The following HIPK1 variants were observed in gnomAD, a reference collection of about 807,000 sequenced individuals.
HIPK1 encodes homeodomain-interacting protein kinase 1.
Under a neutral mutation model 117.1 loss-of-function variants are expected in HIPK1, and 28 were observed. That is an observed-to-expected ratio of 0.24 (90% confidence interval 0.18 to 0.33). The LOEUF is 0.33. HIPK1 is among the 10% of genes least tolerant of loss of function. The pLI is 1.00. For missense variants in HIPK1, 1,122 were observed against 1,475.1 expected (o/e 0.76, Z 3.92); for synonymous variants, 605 against 562.5 (o/e 1.08, Z -1.07).
intron 2 of HIPK1, among the ~76,000 whole-genome samples, chr1:113,950,509 C>T (rs1671279476): frequency 1.3e-5 from 2 of 152,020 alleles, no homozygotes; most frequent in Non-Finnish European, 2.9e-5. Flanking sequence ...GGGTACCATC[C>T]TTTTTCTTTT....
chr1:113,976,101 G>A lies in HIPK1; in HGVS notation c.*2589G>A, dbSNP rs1029216085. 1.3e-5 allele frequency: 2 copies of A among 152,802 alleles called. No individual in the cohort carries two copies. Among genetic ancestry groups the A allele is most frequent in the African/African-American group, 4.8e-5 (2 of 41,454 alleles). 9.5% of individuals were successfully genotyped at this position (152,802 alleles called of 1,614,324 possible). A position where few individuals can be genotyped will look rare whatever the true frequency, so the allele number is the denominator to read the frequency against. ...GGTTGAACACCGAGGAGCTGTCAAAGTATTTGGAGTTTCTTCATTGTAAGG... is the reference window on the plus strand; with the variant it reads ...GGTTGAACACCGAGGAGCTGTCAAAATATTTGGAGTTTCTTCATTGTAAGG... On this transcript the variant is annotated 3_prime_UTR_variant, in exon 16 of 16. Coordinates refer to ENST00000426820, the MANE Select transcript of HIPK1 (RefSeq NM_198268.3).
intron 2 of HIPK1, among the ~76,000 whole-genome samples, chr1:113,946,613 A>G (rs1436997835): frequency 3.9e-5 from 6 of 152,062 alleles, no homozygotes. Context: ...CAATTGATTC[A>G]TTTTGGTTTT....
intron 8 of HIPK1, among the ~76,000 whole-genome samples, chr1:113,961,516 TAAG>T (rs1051919062): frequency 8.5e-5 from 13 of 152,216 alleles, no homozygotes; most frequent in African/African-American, 1.2e-4. Context: ...GCATTCTAAA[TAAG>T]AAGGTAACTT....
At position 113,936,185 on chromosome 1, in the gene HIPK1, G is replaced by A. The variant is rs1670237646; in HGVS notation, c.-2-4197G>A. 7.2e-5 allele frequency among the ~76,000 whole-genome samples: 11 copies of A among 152,272 alleles called. No individual in the cohort carries two copies. In the South Asian group the frequency reaches 2.3e-3, roughly 32 times the overall value. On this transcript the variant is annotated intron_variant, in intron 1 of 15. Coordinates refer to ENST00000426820, the MANE Select transcript of HIPK1 (RefSeq NM_198268.3). ...CACACTGTAAGAACCCCGGTGGTCT[G>A]ATACTGACTTTTTGTACATCACACC... is the stretch of plus-strand genomic sequence containing the variant.
At chr1:113,961,942 C>CAAAAAAA (rs957986733) in intron 8 of HIPK1, among the ~76,000 whole-genome samples, 1 of 32,320 alleles carries the variant, frequency 3.1e-5, no homozygotes, top group African/African-American at 9.7e-5. Flanking sequence ...GACTCCATCT[C>CAAAAAAA]AAAAAAAAAA....
rs1365633518 is a variant in HIPK1 at position 113,959,476 on chromosome 1, G to A, written c.1981+1185G>A. On this transcript the variant is annotated intron_variant, in intron 8 of 15. Transcript: ENST00000426820. Reference sequence around the variant, plus strand: ...AATTCTGTAGTTGGGATTGTCGTATGTTGAGTGATTCTTCCACAGAGCTTA... The same window carrying A: ...AATTCTGTAGTTGGGATTGTCGTATATTGAGTGATTCTTCCACAGAGCTTA... Among the ~76,000 whole-genome samples, 11 of 152,210 alleles carry A rather than the reference G, an allele frequency of 7.2e-5. No homozygotes were observed. The East Asian group carries it at 2.1e-3, about 29-fold the overall frequency.
chr1:113,941,442 A>G lies in HIPK1; in HGVS notation c.1059A>G (p.Leu353=), dbSNP rs764637333. 4 of 1,613,112 alleles carry G rather than the reference A, an allele frequency of 2.5e-6. No individual in the cohort carries two copies. The African/African-American group carries it at 5.3e-5, about 22-fold the overall frequency. The change falls in exon 2 of 16, where the codon TTA becomes TTG. Residue 353 remains leucine (L), a synonymous_variant. Transcript: ENST00000426820. The surrounding 1 kb of genome is among the most constrained non-coding windows in gnomAD (Gnocchi z 4.9). ...HVSKAVCSTY[L]QSRYYRAPEI... Reference sequence around the variant, plus strand: ...CCAAAGCTGTGTGCTCAACCTACTTACAGTCACGTTACTACAGGCAAGTGG... The same window carrying G: ...CCAAAGCTGTGTGCTCAACCTACTTGCAGTCACGTTACTACAGGCAAGTGG...
chr1:113,930,847 C>T (rs922867500), intron 1 of HIPK1: 2 of 152,204 alleles, frequency 1.3e-5, no homozygotes, highest in Non-Finnish European at 2.9e-5. Context: ...GGGGGGAAAA[C>T]CCCCAAGCTC....
intron 1 of HIPK1, 66 bp downstream of exon 1, chr1:113,929,598 G>A: frequency 8.5e-7 from 1 of 1,174,682 alleles, no homozygotes; most frequent in Non-Finnish European, 1.1e-6. Context: ...GTTGAGGGAC[G>A]GCCGCTCGGC....
intron 1 of HIPK1, among the ~76,000 whole-genome samples, chr1:113,931,639 G>T (rs1011893051): frequency 2.0e-5 from 3 of 150,132 alleles, no homozygotes; most frequent in Non-Finnish European, 4.4e-5. Flanking sequence ...CCTTCTAAAA[G>T]AAAAAAAAAG....
At chr1:113,950,438 G>A (rs1161857689) in intron 2 of HIPK1, among the ~76,000 whole-genome samples, 1 of 152,138 alleles carries the variant, frequency 6.6e-6, no homozygotes, top group Non-Finnish European at 1.5e-5. Context: ...AGAAAGAAAG[G>A]AAATTATTTG....
chr1:113,933,632 G>A lies in HIPK1; in HGVS notation c.-3+4100G>A, dbSNP rs143433628. Among the ~76,000 whole-genome samples the A allele has an allele frequency of 1.8e-3, 270 of 152,228 alleles. 1 individual carries two copies. Among genetic ancestry groups the A allele is most frequent in the African/African-American group, 6.3e-3 (263 of 41,508 alleles). On this transcript the variant is annotated intron_variant, in intron 1 of 15. Coordinates refer to ENST00000426820, the MANE Select transcript of HIPK1 (RefSeq NM_198268.3). ...CACCTGTAATCCCAGCACTTTTGGA[G>A]GCTGAGGTAGGTGGATCACTTTAGG...
At chr1:113,967,202 CTT>C (rs746810299) in intron 11 of HIPK1, among the ~76,000 whole-genome samples, 81 of 152,210 alleles carry the variant, frequency 5.3e-4, no homozygotes, top group Non-Finnish European at 1.1e-3. Context: ...GCAGGTATCT[CTT>C]TGATATACTG....
rs1672430118 is a variant in HIPK1 at position 113,966,112 on chromosome 1, A to C, written c.2239-18A>C. 3.1e-6 allele frequency: 5 copies of C among 1,604,394 alleles called. No homozygotes were observed. The South Asian group carries it at 5.6e-5, about 18-fold the overall frequency. ...AATGAATCAAGTCTGGATGTTTTTTATGTGTGTTTCCTTACAGCAGGCGTG... is the reference window on the plus strand; with the variant it reads ...AATGAATCAAGTCTGGATGTTTTTTCTGTGTGTTTCCTTACAGCAGGCGTG... On this transcript the variant is annotated intron_variant, in intron 10 of 15. Coordinates refer to ENST00000426820, the MANE Select transcript of HIPK1 (RefSeq NM_198268.3).
rs982363746 is a variant in HIPK1, at chr1:113,977,024, T to C, written c.*3512T>C. 6.5e-6 allele frequency: 1 copy of C among 152,844 alleles called. No individual in the cohort carries two copies. Among genetic ancestry groups the C allele is most frequent in the Non-Finnish European group, 1.5e-5 (1 of 68,068 alleles). The allele number at this position is 152,844 out of a possible 1,614,324, so 9.5% of individuals were successfully genotyped here. On this transcript the variant is annotated 3_prime_UTR_variant, in exon 16 of 16. Coordinates refer to ENST00000426820, the MANE Select transcript of HIPK1 (RefSeq NM_198268.3). ...ATAAGAACTCCATTTCAAACAGTTC[T>C]GGCCATTCTGAGCCTGCTTTTGTGA... is the stretch of plus-strand genomic sequence containing the variant.
Position 113,967,802 on chromosome 1 carries a change from C to A in HIPK1, c.2418C>A (p.Ile806=). ...AHSHGNQYST[I]MQQPSLLTNH... ...CTCATGGCAACCAGTACAGCACTAT[C>A]ATGCAGCAGCCATCCTTGCTGACTA... is the stretch of plus-strand genomic sequence containing the variant. Residue 806 remains isoleucine (I), a synonymous_variant, in exon 12 of 16, where the codon ATC becomes ATA. Transcript: ENST00000426820. 1.2e-6 allele frequency: 2 copies of A among 1,605,516 alleles called. No individual in the cohort carries two copies. The highest frequency in any genetic ancestry group is 1.1e-5 in the South Asian group (1 of 89,554).
chr1:113,954,624 A>G, intron 3 of HIPK1, 27 bp from the exon 4 acceptor site: 1 of 1,612,164 alleles, frequency 6.2e-7, no homozygotes, highest in East Asian at 2.2e-5. Flanking sequence ...CACTCCAAAT[A>G]GTTGTTTGAT....
intron 14 of HIPK1, 139 bp from the exon 15 acceptor site, chr1:113,971,685 G>A: frequency 1.5e-6 from 1 of 678,106 alleles, no homozygotes; most frequent in East Asian, 3.4e-5. Context: ...GTGATAACAG[G>A]TTATTTTCTT....
In HIPK1 at chr1:113,958,197, G is replaced by A. The variant is rs746073051; in HGVS notation, c.1887G>A (p.Gln629=). The A allele has an allele frequency of 1.2e-6, 2 of 1,614,160 alleles. No individual in the cohort carries two copies. Among genetic ancestry groups the A allele is most frequent in the Non-Finnish European group, 1.7e-6 (2 of 1,180,026 alleles). The change falls in exon 8 of 16, where the codon CAG becomes CAA. Residue 629 remains glutamine, a synonymous_variant. Transcript: ENST00000426820. ...SSAAPVPGVA[Q]QGVSLQPGTT... The stretch of plus-strand genomic sequence containing the variant: ...CTGCACCAGTTCCTGGAGTTGCCCA[G>A]CAGGGTGTTTCCTTGCAGCCTGGAA...
Sources: allele counts gnomAD v4.1 joint callset (sites outside exome capture counted in the v4.1 genomes callset), GRCh38; gene constraint gnomAD v4.1.1; non-coding constraint Gnocchi (gnomAD v3.1); transcripts MANE v1.5; gene names NCBI Gene and HGNC (gene_info 2026-07-23, HGNC 2026-07-21).